ZNF569: variants seen among roughly 807,000 people sequenced by gnomAD.
ZNF569 encodes zinc finger protein 569.
ZNF569 carries 38 observed loss-of-function variants against 56.3 expected under a neutral mutation model. The ratio of observed to expected loss-of-function variants is 0.68; its 90% CI spans 0.52 to 0.88. The LOEUF (loss-of-function observed/expected upper bound fraction) is 0.88, where lower values mean the gene tolerates loss of function less well. Among genes scored for constraint, ZNF569 ranks in the 40% least tolerant of loss-of-function variants. ZNF569 has a pLI of 0.00. For synonymous variants in ZNF569, 241 were observed against 262.9 expected (o/e 0.92, Z 0.81); for missense variants, 666 against 809.2 (o/e 0.82, Z 2.15).
At chr19:37,450,531 G>A (rs2041574990) in intron 2 of ZNF569, among the ~76,000 whole-genome samples, 1 of 151,950 alleles carries the variant, frequency 6.6e-6, no homozygotes, top group African/African-American at 2.4e-5. Flanking sequence ...ATTTATTTGA[G>A]TCTTCTCTAT....
At chr19:37,418,101 AAAT>A (rs199794961) in intron 5 of ZNF569, among the ~76,000 whole-genome samples, 69,794 of 143,018 alleles carry the variant, frequency 0.49, 18,618 homozygotes, top group Non-Finnish European at 0.61. Flanking sequence ...ACTCCATCTC[AAAT>A]AATAATAATA....
rs2040858135 is a variant in ZNF569, at chr19:37,412,738, T to C, written c.1920A>G (p.Gly640=). The C allele has an allele frequency of 6.2e-7, 1 of 1,613,612 alleles. No homozygotes were observed. The highest frequency in any genetic ancestry group is 1.3e-5 in the African/African-American group (1 of 74,802). Residue 640 remains glycine (G), a synonymous_variant, in exon 6 of 6, where the codon GGA becomes GGG. Coordinates refer to ENST00000316950, the MANE Select transcript of ZNF569 (RefSeq NM_152484.3). ...GEKPFDCSKC[G]KAFSQISSLT... is the part of the protein sequence containing the mutation. ...GAGATGAGATTTGAGAGAAGGCTTT[T>C]CCACATTTACTACAGTCGAAGGGTT...
Position 37,411,432 on chromosome 19 carries a change from C to T in ZNF569, c.*1165G>A, listed in dbSNP as rs1323867957. 2 of 152,094 alleles carry T rather than the reference C, an allele frequency of 1.3e-5. No homozygotes were observed. The highest frequency in any genetic ancestry group is 2.9e-5 in the Non-Finnish European group (2 of 67,988). 9.4% of individuals were successfully genotyped at this position (152,094 alleles called of 1,614,324 possible). On this transcript the variant is annotated 3_prime_UTR_variant, in exon 6 of 6. Transcript: ENST00000316950. ...CTGTATTTTATCACAGAAATGATCA[C>T]ACTTATTCATCTATTCCACAATTGA...
intron 2 of ZNF569, among the ~76,000 whole-genome samples, chr19:37,445,613 T>C (rs1216175388): frequency 1.3e-5 from 2 of 152,108 alleles, no homozygotes; most frequent in Admixed American, 6.5e-5. Flanking sequence ...GGACACAAAA[T>C]TAATGTACAC....
At chr19:37,414,449 AC>A (rs1313907347) in intron 5 of ZNF569, 30 bp from the exon 6 acceptor site, 1 of 1,523,896 alleles carries the variant, frequency 6.6e-7, no homozygotes. Context: ...AATATCACTT[AC>A]AAATTTTTTT....
chr19:37,467,657 G>A (rs545607211), upstream of ZNF569: 5 of 597,180 alleles, frequency 8.4e-6, no homozygotes, highest in African/African-American at 5.6e-5. Flanking sequence ...GCCAGTGAAG[G>A]CCGGGTCAGC....
intron 2 of ZNF569, among the ~76,000 whole-genome samples, chr19:37,447,542 TAGAAAC>T (rs1192713634): frequency 6.6e-6 from 1 of 152,210 alleles, no homozygotes; most frequent in African/African-American, 2.4e-5. Flanking sequence ...TGTCTGCAAA[TAGAAAC>T]AGTTATATTC....
chr19:37,412,340 A>G lies in ZNF569; in HGVS notation c.*257T>C, dbSNP rs2040852037. 1 of 443,682 alleles carries G rather than the reference A, an allele frequency of 2.3e-6. No homozygotes were observed. Among genetic ancestry groups the G allele is most frequent in the South Asian group, 7.5e-5 (1 of 13,418 alleles). The allele number at this position is 443,682 out of a possible 1,614,324, so 27.5% of individuals were successfully genotyped here. On this transcript the variant is annotated 3_prime_UTR_variant, in exon 6 of 6. Transcript: ENST00000316950. The stretch of plus-strand genomic sequence containing the variant: ...TGTTGTGTTGTTATGCTGATGGAAG[A>G]TACCTTGTTTCAGATTTCAATGAGA...
chr19:37,414,375 GTC>G lies in ZNF569; in HGVS notation c.281_282del (p.Arg94ThrfsTer6), dbSNP rs1213259926. 3 of 1,609,210 alleles carry G rather than the reference GTC, an allele frequency of 1.9e-6. No individual in the cohort carries two copies. In the East Asian group the frequency reaches 6.7e-5, roughly 36 times the overall value. The stretch of plus-strand genomic sequence containing the variant: ...AATTTAACTTCAACTTGTCTCAAAA[GTC>G]TGTCCTGGTTTTTCTGATGCTCATC... Reference protein sequence around the residue: ...GVDEHQKNQDRLLRQVEVKFQ... With the variant: ...GVDEHQKNQDXLLRQVEVKFQ... On this transcript the variant is annotated frameshift_variant, in exon 6 of 6. Transcript: ENST00000316950. LOFTEE classifies it high-confidence loss of function.
intron 5 of ZNF569, among the ~76,000 whole-genome samples, chr19:37,424,484 A>G (rs1180478065): frequency 6.6e-6 from 1 of 152,078 alleles, no homozygotes; most frequent in Non-Finnish European, 1.5e-5. Flanking sequence ...TAGGTTTATA[A>G]AAGAGTTTGC....
intron 2 of ZNF569, among the ~76,000 whole-genome samples, chr19:37,449,647 CTT>C (rs548886505): frequency 7.2e-6 from 1 of 138,572 alleles, no homozygotes; most frequent in African/African-American, 2.6e-5. Context: ...GTTGCTTCCT[CTT>C]TTTTTTTTTT....
intron 3 of ZNF569, among the ~76,000 whole-genome samples, chr19:37,439,384 C>CATCCAAAAGACAGGTACTA (rs1254454274): frequency 2.0e-5 from 3 of 152,114 alleles, no homozygotes; most frequent in Non-Finnish European, 2.9e-5. Context: ...GAATGGCTTT[C>CATCCAAAAGACAGGTACTA]ATCCAAAAGA....
At chr19:37,449,176 G>T (rs2041550776) in intron 2 of ZNF569, among the ~76,000 whole-genome samples, 1 of 152,152 alleles carries the variant, frequency 6.6e-6, no homozygotes, top group Admixed American at 6.5e-5. Context: ...TATGTTCTGA[G>T]AACAGACTTT....
At chr19:37,450,511 T>C (rs1198245874) in intron 2 of ZNF569, among the ~76,000 whole-genome samples, 1 of 152,222 alleles carries the variant, frequency 6.6e-6, no homozygotes, top group Admixed American at 6.5e-5. Flanking sequence ...CTTCTTTCAA[T>C]TCTGATGTTA....
At chr19:37,438,494 G>A (rs1477081348) in intron 3 of ZNF569, among the ~76,000 whole-genome samples, 3 of 152,048 alleles carry the variant, frequency 2.0e-5, no homozygotes, top group Admixed American at 6.6e-5. Flanking sequence ...TTTCAACAGC[G>A]GTGCCGAGAA....
intron 5 of ZNF569, among the ~76,000 whole-genome samples, chr19:37,418,856 G>C (rs2040981465): frequency 6.6e-6 from 1 of 152,098 alleles, no homozygotes; most frequent in Non-Finnish European, 1.5e-5. Flanking sequence ...CTCAAACAAG[G>C]ATATCAAGCA....
At chr19:37,469,194 G>C (rs932644167), upstream of ZNF569, 1 of 1,260,308 alleles carries the variant, frequency 7.9e-7, no homozygotes, top group Non-Finnish European at 1.0e-6. Flanking sequence ...AGGACCTGGT[G>C]GGGAGGAGGC....
chr19:37,419,719 T>C (rs539905315), intron 5 of ZNF569, among the ~76,000 whole-genome samples: 38 of 151,306 alleles, frequency 2.5e-4, no homozygotes, highest in African/African-American at 9.2e-4. Flanking sequence ...AGAGACTACG[T>C]CTCAAAAAAA....
At chr19:37,447,267 A>T (rs1332169131) in intron 2 of ZNF569, among the ~76,000 whole-genome samples, 4 of 152,342 alleles carry the variant, frequency 2.6e-5, no homozygotes, top group African/African-American at 9.6e-5. Flanking sequence ...AAAAGAAGTC[A>T]TTACAGGAAA....
Sources: allele counts gnomAD v4.1 joint callset (sites outside exome capture counted in the v4.1 genomes callset), GRCh38; gene constraint gnomAD v4.1.1; transcripts MANE v1.5; gene names NCBI Gene and HGNC (gene_info 2026-07-23, HGNC 2026-07-21).